PRKD1: variants seen among roughly 807,000 people sequenced by gnomAD.
The protein encoded by PRKD1 is protein kinase D1.
In PRKD1, 63 loss-of-function variants were observed where a neutral mutation model predicts 95.9. The ratio of observed to expected loss-of-function variants is 0.66; its 90% CI spans 0.54 to 0.81. PRKD1 has a LOEUF of 0.81. PRKD1 is among the 30% of genes least tolerant of loss of function. The pLI is 0.00. For missense variants in PRKD1, 1,048 were observed against 1,165.3 expected, an observed-to-expected ratio of 0.90 and a Z score of 1.47; for synonymous variants, 425 against 423.1, an observed-to-expected ratio of 1.00 and a Z score of -0.05.
At chr14:29,853,127 T>C (rs927168351) in intron 1 of PRKD1, among the ~76,000 whole-genome samples, 7 of 152,230 alleles carry the variant, frequency 4.6e-5, no homozygotes, top group Non-Finnish European at 7.4e-5. Context: ...TCAGAAAAGA[T>C]TACAAGAGAC....
intron 1 of PRKD1, among the ~76,000 whole-genome samples, chr14:29,777,263 A>G (rs1888806942): frequency 6.6e-6 from 1 of 152,228 alleles, no homozygotes; most frequent in African/African-American, 2.4e-5. Context: ...CAGCTAAATC[A>G]TAATGACAAG....
chr14:29,651,482 A>T (rs1881492076), intron 4 of PRKD1, among the ~76,000 whole-genome samples: 2 of 152,188 alleles, frequency 1.3e-5, no homozygotes, highest in South Asian at 4.1e-4. Flanking sequence ...GTATCAGAAT[A>T]CCATGTCTAA....
chr14:29,677,117 T>C (rs1267426378), intron 2 of PRKD1, among the ~76,000 whole-genome samples: 2 of 152,188 alleles, frequency 1.3e-5, no homozygotes, highest in East Asian at 1.9e-4. Context: ...AGCCGGTATA[T>C]ACAACATATT....
chr14:29,700,741 G>C (rs141066618), intron 2 of PRKD1, among the ~76,000 whole-genome samples: 284 of 152,206 alleles, frequency 1.9e-3, no homozygotes, highest in African/African-American at 6.4e-3. Context: ...GGAGGACCTC[G>C]TCCAATCAGT....
chr14:29,687,047 G>T (rs45472093), intron 2 of PRKD1, among the ~76,000 whole-genome samples: 1 of 152,160 alleles, frequency 6.6e-6, no homozygotes, highest in East Asian at 1.9e-4. Flanking sequence ...CTGAGGCAAA[G>T]GTCATGCTCA....
Position 29,735,381 on chromosome 14 carries a change from A to T in PRKD1, c.265-9707T>A, listed in dbSNP as rs45527436. Among the ~76,000 whole-genome samples, 904 of 152,340 alleles carry T rather than the reference A, an allele frequency of 5.9e-3. 8 individuals are homozygous for T. Among genetic ancestry groups the T allele is most frequent in the African/African-American group, 0.02 (841 of 41,578 alleles). ...CCTGATTAGAAAACAAATACTTATT[A>T]AAATGCAGGACTGTAATTAAGACAC... On this transcript the variant is annotated intron_variant, in intron 1 of 17. Transcript: ENST00000331968.
At chr14:29,691,598 A>G (rs1296418152) in intron 2 of PRKD1, among the ~76,000 whole-genome samples, 1 of 152,194 alleles carries the variant, frequency 6.6e-6, no homozygotes, top group Non-Finnish European at 1.5e-5. Flanking sequence ...ACCCAAAGTA[A>G]CAATTATTAG....
intron 2 of PRKD1, among the ~76,000 whole-genome samples, chr14:29,719,758 C>T (rs777246424): frequency 2.0e-4 from 31 of 152,170 alleles, no homozygotes; most frequent in Non-Finnish European, 3.8e-4. Flanking sequence ...CTTCCTAACT[C>T]CTACTTTTCT....
Position 29,913,485 on chromosome 14 carries a change from C to A in PRKD1, c.264+13764G>T, listed in dbSNP as rs150727673. ...TTAATTTAGTGTATTAGAGCAACTCCTCTCCATTAATCCATCCTCACTCTA... is the reference window on the plus strand; with the variant it reads ...TTAATTTAGTGTATTAGAGCAACTCATCTCCATTAATCCATCCTCACTCTA... On this transcript the variant is annotated intron_variant, in intron 1 of 17. Transcript: ENST00000331968. 1.0e-3 allele frequency among the ~76,000 whole-genome samples: 159 copies of A among 152,250 alleles called. No homozygotes were observed. The East Asian group carries it at 0.021, about 20-fold the overall frequency.
At chr14:29,721,443 C>T (rs4357843) in intron 2 of PRKD1, among the ~76,000 whole-genome samples, 53,399 of 152,034 alleles carry the variant, frequency 0.35, 11,328 homozygotes, top group African/African-American at 0.6. Flanking sequence ...ACAAGATACA[C>T]ACACATATAG....
rs987697562 is a variant in PRKD1, at chr14:29,636,512, C to T, written c.986-18G>A. 1.2e-6 allele frequency: 2 copies of T among 1,612,904 alleles called. No individual in the cohort carries two copies. The highest frequency in any genetic ancestry group is 1.7e-5 in the Admixed American group (1 of 59,992). The stretch of plus-strand genomic sequence containing the variant: ...AAGCAAATCTAGAAAATTATTTTCA[C>T]CCATGAAGATAAGCCTGGAATCTTG... On this transcript the variant is annotated intron_variant, in intron 6 of 17. Transcript: ENST00000331968.
intron 6 of PRKD1, among the ~76,000 whole-genome samples, chr14:29,637,785 T>C (rs979032572): frequency 6.6e-6 from 1 of 152,208 alleles, no homozygotes; most frequent in Non-Finnish European, 1.5e-5. Context: ...TTCAGCTTCT[T>C]AGCAACAAAA....
chr14:29,648,582 T>C (rs1881286977), intron 4 of PRKD1, among the ~76,000 whole-genome samples: 1 of 152,224 alleles, frequency 6.6e-6, no homozygotes, highest in African/African-American at 2.4e-5. Context: ...AGTTTAGCCA[T>C]TTTCCCTGGG....
At chr14:29,789,637 C>A (rs1283841167) in intron 1 of PRKD1, among the ~76,000 whole-genome samples, 3 of 152,118 alleles carry the variant, frequency 2.0e-5, no homozygotes, top group African/African-American at 7.2e-5. Flanking sequence ...GCAGGCTGGG[C>A]AGGCCAGTCT....
chr14:29,733,269 A>AT (rs1886544760), intron 1 of PRKD1, among the ~76,000 whole-genome samples: 1 of 151,398 alleles, frequency 6.6e-6, no homozygotes, highest in Admixed American at 6.6e-5. Flanking sequence ...CACCTGGCTA[A>AT]TTTTTTGTAT....
At chr14:29,638,134 G>C (rs1359587148) in intron 6 of PRKD1, among the ~76,000 whole-genome samples, 17 of 152,070 alleles carry the variant, frequency 1.1e-4, no homozygotes, top group Admixed American at 1.1e-3. Flanking sequence ...AAATGAGAAG[G>C]ACAGAGGAAA....
At chr14:29,586,780 T>C (rs1490362646) in intron 16 of PRKD1, among the ~76,000 whole-genome samples, 1 of 152,142 alleles carries the variant, frequency 6.6e-6, no homozygotes, top group African/African-American at 2.4e-5. Flanking sequence ...TAGCTGGGAT[T>C]ACAGGCACCA....
At chr14:29,623,602 T>C (rs1450951243) in intron 13 of PRKD1, among the ~76,000 whole-genome samples, 1 of 152,186 alleles carries the variant, frequency 6.6e-6, no homozygotes, top group African/African-American at 2.4e-5. Flanking sequence ...ATTACCTTTA[T>C]CACATAATAC....
Position 29,597,665 on chromosome 14 carries a change from C to A in PRKD1, c.2260G>T (p.Val754Phe). The change falls in exon 16 of 18, where the codon GTC (valine) becomes TTC (phenylalanine). Residue 754 changes from valine (V) to phenylalanine (F), a missense_variant. Physicochemically the swap from Val to Phe is conservative, Grantham distance 50. This residue lies in a region of PRKD1 where 739 missense variants were observed against 861.9 expected (regional missense o/e 0.86). Transcript: ENST00000331968. The stretch of plus-strand genomic sequence containing the variant: ...CGATTGTAGCCCTTGTTCCTTAGGA[C>A]CTCAGGAGCCAGGTAAGCGGGGGTA... The part of the protein sequence containing the change: ...VGTPAYLAPE[V>F]LRNKGYNRSL... 1 of 1,613,994 alleles carries A rather than the reference C, an allele frequency of 6.2e-7. No homozygotes were observed. Among genetic ancestry groups the A allele is most frequent in the Non-Finnish European group, 8.5e-7 (1 of 1,179,970 alleles).
Sources: allele counts gnomAD v4.1 joint callset (sites outside exome capture counted in the v4.1 genomes callset), GRCh38; gene constraint gnomAD v4.1.1; regional missense constraint gnomAD v4.1.1; transcripts MANE v1.5; gene names NCBI Gene and HGNC (gene_info 2026-07-23, HGNC 2026-07-21).